NCEH1: variants seen among roughly 807,000 people sequenced by gnomAD.
NCEH1 encodes 2-acetyl MAGE hydrolase.
In NCEH1, 9 loss-of-function variants were observed where a neutral mutation model predicts 25.4. That is an observed-to-expected ratio of 0.35 (90% confidence interval 0.21 to 0.62). The LOEUF (loss-of-function observed/expected upper bound fraction) is 0.62, where lower values mean the gene tolerates loss of function less well. NCEH1 is among the 20% of genes least tolerant of loss of function. The pLI is 0.72. For synonymous variants in NCEH1, 200 were observed against 199.8 expected (o/e 1.00, Z -0.01); for missense variants, 412 against 501.1 (o/e 0.82, Z 1.70).
intron 1 of NCEH1, among the ~76,000 whole-genome samples, chr3:172,677,446 CATA>C (rs1577077704): frequency 6.6e-6 from 1 of 152,222 alleles, no homozygotes; most frequent in East Asian, 1.9e-4. Flanking sequence ...ATTTAAAATA[CATA>C]ATAATAAACC....
At chr3:172,688,330 CAAAAAAAAAAAA>C (rs11376665) in intron 1 of NCEH1, among the ~76,000 whole-genome samples, 2 of 66,240 alleles carry the variant, frequency 3.0e-5, no homozygotes, top group East Asian at 5.6e-4. Flanking sequence ...AACTCCACCT[CAAAAAAAAAAAA>C]AAAAAAAAAA....
At chr3:172,655,572 C>T (rs1717653442) in intron 1 of NCEH1, among the ~76,000 whole-genome samples, 1 of 152,224 alleles carries the variant, frequency 6.6e-6, no homozygotes, top group South Asian at 2.1e-4. Context: ...GGTGTTCACG[C>T]TTTAGTCCTC....
chr3:172,643,003 A>G (rs562454711), intron 3 of NCEH1, among the ~76,000 whole-genome samples: 32 of 152,216 alleles, frequency 2.1e-4, no homozygotes, highest in African/African-American at 7.5e-4. Flanking sequence ...CAATGGCTCA[A>G]TCTCGGCTCA....
chr3:172,633,632 T>A lies in NCEH1; in HGVS notation c.1070A>T (p.Tyr357Phe), dbSNP rs1243714069. Residue 357 changes from tyrosine to phenylalanine, a missense_variant, in exon 5 of 5, where the codon TAT (tyrosine) becomes TTT (phenylalanine). Physicochemically the swap from Tyr to Phe is conservative, Grantham distance 22. This residue lies in a region of NCEH1 where 210 missense variants were observed against 258.2 expected (regional missense o/e 0.81). Transcript: ENST00000475381. The stretch of plus-strand genomic sequence containing the variant: ...ACCGGCACTCTCCAAACGCTTGGCA[T>A]ACATGATGCCATCGTCTCTGAGGAC... Reference protein sequence around the residue: ...HDVLRDDGIMYAKRLESAGVE... With the variant: ...HDVLRDDGIMFAKRLESAGVE... 6.2e-7 allele frequency: 1 copy of A among 1,614,206 alleles called. No individual in the cohort carries two copies. Among genetic ancestry groups the A allele is most frequent in the Admixed American group, 1.7e-5 (1 of 60,030 alleles).
At chr3:172,701,449 C>CTTTTTTTTTT (rs10701435) in intron 1 of NCEH1, among the ~76,000 whole-genome samples, 4,158 of 110,632 alleles carry the variant, frequency 0.038, 263 homozygotes, top group African/African-American at 0.08. Flanking sequence ...GGTCTTTTGC[C>CTTTTTTTTTT]TTTTTTTTTT....
At position 172,684,638 on chromosome 3, in the gene NCEH1, G is replaced by C. The variant is rs372149385; in HGVS notation, c.138+26209C>G. ...CATCTAGTCTATGTGCAATTCTGTA[G>C]AGAAATCCTAGTAGTTGGAATTCAC... is the stretch of plus-strand genomic sequence containing the variant. On this transcript the variant is annotated intron_variant, in intron 1 of 4. Transcript: ENST00000475381. Among the ~76,000 whole-genome samples, 9 of 152,288 alleles carry C rather than the reference G, an allele frequency of 5.9e-5. No individual in the cohort carries two copies. In the East Asian group the frequency reaches 1.7e-3, roughly 29 times the overall value.
chr3:172,680,761 T>A (rs1712320662), intron 1 of NCEH1: 2 of 151,990 alleles, frequency 1.3e-5, no homozygotes, highest in Non-Finnish European at 2.9e-5. Context: ...GCCAGGTGGC[T>A]GTAGTGGGAG....
intron 1 of NCEH1, among the ~76,000 whole-genome samples, chr3:172,677,100 G>A (rs492748): frequency 0.79 from 120,275 of 152,194 alleles, 48,178 homozygotes; most frequent in East Asian, 1. Flanking sequence ...AAGCAGCACA[G>A]AAGAATTAAA....
Position 172,635,986 on chromosome 3 carries a change from A to G in NCEH1, c.539T>C (p.Val180Ala), listed in dbSNP as rs532239353. ...LKPEVLQKYM[V>A]DPGRICISGD... is the part of the protein sequence containing the mutation. ...AGAAATGCAAATTCTGCCTGGATCA[A>G]CCATATACTTCTGTAAGACTTCTGG... is the stretch of plus-strand genomic sequence containing the variant. Residue 180 changes from valine to alanine, a missense_variant, in exon 4 of 5, where the codon GTT (valine) becomes GCT (alanine). Val to Ala is a moderately conservative substitution (Grantham distance 64). Coordinates refer to ENST00000475381, the MANE Select transcript of NCEH1 (RefSeq NM_020792.6). 3.7e-6 allele frequency: 6 copies of G among 1,614,210 alleles called. No homozygotes were observed. The East Asian group carries it at 1.3e-4, about 36-fold the overall frequency.
Position 172,689,406 on chromosome 3 carries a change from C to T in NCEH1, c.138+21441G>A, listed in dbSNP as rs367565199. ...CCCAAGTAGCTGGGACTACAAGCGC[C>T]CGCCTAATTTTTGTAGTTTTAGTAG... On this transcript the variant is annotated intron_variant, in intron 1 of 4. Transcript: ENST00000475381. Among the ~76,000 whole-genome samples the T allele has an allele frequency of 1.7e-3, 255 of 151,376 alleles. 3 individuals carry two copies. The highest frequency in any genetic ancestry group is 6.0e-3 in the African/African-American group (249 of 41,302).
chr3:172,665,795 G>A (rs778545378), intron 1 of NCEH1, among the ~76,000 whole-genome samples: 16 of 152,222 alleles, frequency 1.1e-4, no homozygotes, highest in East Asian at 1.9e-4. Flanking sequence ...CGAGCCATGC[G>A]CGGGATATAA....
At chr3:172,656,014 C>T (rs1717675369) in intron 1 of NCEH1, among the ~76,000 whole-genome samples, 1 of 152,096 alleles carries the variant, frequency 6.6e-6, no homozygotes, top group Non-Finnish European at 1.5e-5. Context: ...TTCAAGAAGG[C>T]AGGTTGTCAA....
At chr3:172,693,814 A>T (rs991859485) in intron 1 of NCEH1, among the ~76,000 whole-genome samples, 2 of 152,256 alleles carry the variant, frequency 1.3e-5, no homozygotes, top group African/African-American at 4.8e-5. Flanking sequence ...TGTGGCTGCC[A>T]AGAACCAAAT....
intron 1 of NCEH1, among the ~76,000 whole-genome samples, chr3:172,688,261 C>T (rs909635073): frequency 7.6e-6 from 1 of 130,944 alleles, no homozygotes; most frequent in African/African-American, 3.0e-5. Flanking sequence ...ATCTGGGAGG[C>T]GGAGGTTGCA....
chr3:172,669,721 G>T (rs1014196340), intron 1 of NCEH1, among the ~76,000 whole-genome samples: 1 of 152,198 alleles, frequency 6.6e-6, no homozygotes, highest in African/African-American at 2.4e-5. Context: ...ATTTTTAGTA[G>T]AGATGGGGTT....
chr3:172,642,610 AAAAAAAAAAAAAAAG>A (rs1398682527), intron 3 of NCEH1, among the ~76,000 whole-genome samples: 15 of 150,868 alleles, frequency 9.9e-5, no homozygotes, highest in African/African-American at 3.6e-4. Context: ...CTACAAAAAA[AAAAAAAAAAAAAAAG>A]AAAAAGAAAA....
intron 1 of NCEH1, among the ~76,000 whole-genome samples, chr3:172,687,371 G>A (rs1489518444): frequency 6.6e-6 from 1 of 152,050 alleles, no homozygotes; most frequent in African/African-American, 2.4e-5. Context: ...AACGTCTCTA[G>A]GCTTATGTTC....
chr3:172,642,608 AAAAAAAAAAAAAAAAAG>A (rs1461591058), intron 3 of NCEH1, among the ~76,000 whole-genome samples: 4 of 150,550 alleles, frequency 2.7e-5, no homozygotes, highest in Middle Eastern at 3.4e-3. Context: ...TTCTACAAAA[AAAAAAAAAAAAAAAAAG>A]AAAAAGAAAA....
intron 1 of NCEH1, among the ~76,000 whole-genome samples, chr3:172,671,504 CAT>C (rs1206888823): frequency 8.1e-6 from 1 of 122,756 alleles, no homozygotes; most frequent in African/African-American, 4.2e-5. Context: ...CACACATACA[CAT>C]ACACACACAC....
Sources: gnomAD v4.1 joint callset for allele counts (sites outside exome capture counted in the v4.1 genomes callset) on GRCh38, gnomAD v4.1.1 for gene constraint, gnomAD v4.1.1 regional missense constraint, MANE v1.5 for transcripts, NCBI Gene and HGNC (gene_info 2026-07-23, HGNC 2026-07-21) for gene names.